Variants in ANK3 observed in about 807,000 individuals in gnomAD.
The protein encoded by ANK3 is ankyrin-3.
In ANK3, 57 loss-of-function variants were observed where a neutral mutation model predicts 370.9. The observed-to-expected ratio is 0.15, with a 90% CI of 0.12 to 0.19. ANK3 has a LOEUF of 0.19. ANK3 is among the 10% of genes least tolerant of loss of function. The pLI, the probability that ANK3 is intolerant of heterozygous loss-of-function variation, is 1.00. For synonymous variants in ANK3, 1,929 were observed against 1,946.3 expected, an observed-to-expected ratio of 0.99 and a Z score of 0.23; for missense variants, 4,439 against 5,302.1, an observed-to-expected ratio of 0.84 and a Z score of 5.06.
chr10:60,380,584 T>C (rs1175815277), intron 1 of ANK3, among the ~76,000 whole-genome samples: 1 of 152,182 alleles, frequency 6.6e-6, no homozygotes, highest in East Asian at 1.9e-4. Context: ...ATCTACGTCA[T>C]GCATGTGGTA....
intron 1 of ANK3, among the ~76,000 whole-genome samples, chr10:60,359,487 C>T (rs1233867753): frequency 6.6e-6 from 1 of 152,206 alleles, no homozygotes; most frequent in Admixed American, 6.5e-5. Context: ...TTTACTAAAG[C>T]ACCCTATCAT....
At chr10:60,482,769 G>T (rs772320778) in intron 2 of ANK3, among the ~76,000 whole-genome samples, 4 of 152,160 alleles carry the variant, frequency 2.6e-5, no homozygotes, top group Non-Finnish European at 4.4e-5. Flanking sequence ...TTACAGGTGT[G>T]AGCCACTGCA....
At chr10:60,572,410 T>C (rs575494075) in intron 2 of ANK3, 30 of 1,502,260 alleles carry the variant, frequency 2.0e-5, no homozygotes, top group Admixed American at 2.1e-5. Context: ...AAAGATCACT[T>C]CCTCCCCAGA....
intron 34 of ANK3, among the ~76,000 whole-genome samples, 161 bp from the exon 35 acceptor site, chr10:60,082,337 TG>T (rs1380667090): frequency 6.6e-6 from 1 of 152,124 alleles, no homozygotes; most frequent in Non-Finnish European, 1.5e-5. Flanking sequence ...TATCAAGAAC[TG>T]TACATCCATG....
chr10:60,186,726 G>C lies in ANK3; in HGVS notation c.2074C>G (p.Leu692Val). The change falls in exon 17 of 44, where the codon CTG becomes GTG. Residue 692 changes from leucine (L) to valine (V), a missense_variant. By Grantham distance (32) the Leu-to-Val change is conservative. Around this residue, in one of 13 missense-constraint regions of ANK3, gnomAD observed 192 missense variants for 192.1 expected, o/e 1.00. Transcript: ENST00000280772. ...AAGAAGTGGGTTACCTTATTGCTCA[G>C]GTTCACATTCGCATTTCTACCGAGG... is the stretch of plus-strand genomic sequence containing the variant. The part of the protein sequence containing the change: ...LLLGRNANVN[L>V]SNKSGLTPLH... 6.2e-7 allele frequency: 1 copy of C among 1,613,936 alleles called. No homozygotes were observed. Among genetic ancestry groups the C allele is most frequent in the Non-Finnish European group, 8.5e-7 (1 of 1,179,892 alleles).
At chr10:60,714,598 A>T (rs1454523990) in intron 1 of ANK3, among the ~76,000 whole-genome samples, 2 of 152,230 alleles carry the variant, frequency 1.3e-5, no homozygotes, top group East Asian at 1.9e-4. Flanking sequence ...AACTAATGGG[A>T]TTCATCACAT....
chr10:60,464,729 A>C (rs1411424853), intron 2 of ANK3, among the ~76,000 whole-genome samples: 9 of 152,174 alleles, frequency 5.9e-5, no homozygotes, highest in Admixed American at 2.6e-4. Flanking sequence ...TCAAATATTC[A>C]ACAACAAAAT....
chr10:60,280,482 A>C (rs2098144908), intron 1 of ANK3, among the ~76,000 whole-genome samples: 1 of 152,192 alleles, frequency 6.6e-6, no homozygotes, highest in South Asian at 2.1e-4. Flanking sequence ...ATTTTAGAAC[A>C]ACAAGACATG....
chr10:60,255,544 T>C (rs1023709075), intron 7 of ANK3, among the ~76,000 whole-genome samples: 1 of 152,116 alleles, frequency 6.6e-6, no homozygotes, highest in African/African-American at 2.4e-5. Context: ...AATAAAATTA[T>C]ATTTGAGGCC....
chr10:60,243,077 C>T (rs112089832), intron 7 of ANK3, among the ~76,000 whole-genome samples: 142 of 152,248 alleles, frequency 9.3e-4, no homozygotes, highest in African/African-American at 3.3e-3. Flanking sequence ...AGAAACATTG[C>T]ATTGTGGCAG....
chr10:60,387,633 C>T (rs553996533), intron 1 of ANK3, among the ~76,000 whole-genome samples: 1 of 152,282 alleles, frequency 6.6e-6, no homozygotes, highest in African/African-American at 2.4e-5. Flanking sequence ...AATCCACTTG[C>T]ACATTTACAA....
At chr10:60,147,961 G>C (rs1442842217) in intron 23 of ANK3, among the ~76,000 whole-genome samples, 1 of 152,224 alleles carries the variant, frequency 6.6e-6, no homozygotes, top group African/African-American at 2.4e-5. Context: ...TATGGATTAA[G>C]TTGAGAAAAT....
chr10:60,108,291 A>G (rs553235915), intron 27 of ANK3: 19 of 395,180 alleles, frequency 4.8e-5, no homozygotes, highest in Non-Finnish European at 8.9e-5. Flanking sequence ...AGTTTACTGA[A>G]TAACATCCAT....
Position 60,196,570 on chromosome 10 carries a change from T to C in ANK3, c.1745A>G (p.Asn582Ser), listed in dbSNP as rs746924526. 2.8e-5 allele frequency: 45 copies of C among 1,613,258 alleles called. No individual in the cohort carries two copies. The highest frequency in any genetic ancestry group is 3.1e-5 in the Non-Finnish European group (37 of 1,179,900). ...AGATGCACTTTTCTGTAGCAGGAGATTGGCGACTTCAAGCTTTCCATATTT... is the reference window on the plus strand; with the variant it reads ...AGATGCACTTTTCTGTAGCAGGAGACTGGCGACTTCAAGCTTTCCATATTT... Reference protein sequence around the residue: ...AAKYGKLEVANLLLQKSASPD... With the variant: ...AAKYGKLEVASLLLQKSASPD... The change falls in exon 15 of 44, where the codon AAT (asparagine) becomes AGT (serine). Residue 582 changes from asparagine to serine, a missense_variant. Asn to Ser is a conservative substitution (Grantham distance 46). Coordinates refer to ENST00000280772, the MANE Select transcript of ANK3 (RefSeq NM_020987.5).
chr10:60,232,209 GTT>G (rs1184791584), intron 8 of ANK3, among the ~76,000 whole-genome samples: 6 of 152,250 alleles, frequency 3.9e-5, no homozygotes, highest in African/African-American at 1.4e-4. Flanking sequence ...TTGCTGTTCT[GTT>G]GATTGACTAT....
intron 2 of ANK3, among the ~76,000 whole-genome samples, chr10:60,506,905 G>A (rs1040458815): frequency 1.3e-5 from 2 of 151,914 alleles, no homozygotes; most frequent in Non-Finnish European, 2.9e-5. Flanking sequence ...CAAATACTAC[G>A]TGGGAAAAAT....
chr10:60,461,759 G>T (rs1388325477), intron 2 of ANK3, among the ~76,000 whole-genome samples: 1 of 152,136 alleles, frequency 6.6e-6, no homozygotes, highest in Non-Finnish European at 1.5e-5. Context: ...ATTGGGCAAG[G>T]TCGAAAATCA....
At chr10:60,033,282 AG>A (rs1175977564) in intron 43 of ANK3, among the ~76,000 whole-genome samples, 4 of 151,556 alleles carry the variant, frequency 2.6e-5, no homozygotes, top group Non-Finnish European at 5.9e-5. Flanking sequence ...GGGGCAGGGG[AG>A]GGGGGCGGAT....
intron 2 of ANK3, among the ~76,000 whole-genome samples, chr10:60,493,497 T>A (rs557621938): frequency 7.9e-5 from 12 of 152,288 alleles, no homozygotes; most frequent in African/African-American, 2.2e-4. Context: ...TGGTCATGGA[T>A]GACCCTTAGG....
Sources: allele counts gnomAD v4.1 joint callset (sites outside exome capture counted in the v4.1 genomes callset), GRCh38; gene constraint gnomAD v4.1.1; regional missense constraint gnomAD v4.1.1; transcripts MANE v1.5; gene names NCBI Gene and HGNC (gene_info 2026-07-23, HGNC 2026-07-21).